RGS5: variants seen among roughly 807,000 people sequenced by gnomAD.
The protein encoded by RGS5 is regulator of G-protein signalling 5.
RGS5 carries 20 observed loss-of-function variants against 18.9 expected under a neutral mutation model. The observed-to-expected ratio is 1.06, with a 90% CI of 0.74 to 1.54. The LOEUF is 1.54. Ranked by LOEUF, RGS5 falls within the 40% of genes most tolerant of loss-of-function variation. RGS5 has a pLI of 0.00. For missense variants in RGS5, 201 were observed against 211.8 expected (o/e 0.95, Z 0.32); for synonymous variants, 57 against 76.2 (o/e 0.75, Z 1.31).
chr1:163,259,188 G>A (rs1247994361), intron 2 of RGS5, among the ~76,000 whole-genome samples: 5 of 151,796 alleles, frequency 3.3e-5, no homozygotes, highest in African/African-American at 1.2e-4. Flanking sequence ...GTCTCACTCT[G>A]TTGGCCAGGC....
chr1:163,302,498 C>T (rs1425145134), intron 2 of RGS5, among the ~76,000 whole-genome samples: 1 of 152,186 alleles, frequency 6.6e-6, no homozygotes, highest in Non-Finnish European at 1.5e-5. Context: ...TGATTCTTTA[C>T]ACTCTCCCTT....
intron 3 of RGS5, among the ~76,000 whole-genome samples, chr1:163,159,615 G>A (rs531089747): frequency 2.0e-5 from 3 of 152,174 alleles, no homozygotes; most frequent in East Asian, 3.9e-4. Flanking sequence ...GGGCTACTTC[G>A]AATGGATTAG....
intron 2 of RGS5, among the ~76,000 whole-genome samples, chr1:163,272,919 C>T (rs1245646989): frequency 1.3e-5 from 2 of 152,062 alleles, no homozygotes; most frequent in African/African-American, 4.8e-5. Context: ...GTGGCTCACA[C>T]TCGTGGTTTT....
intron 2 of RGS5, among the ~76,000 whole-genome samples, chr1:163,226,219 CAGAGG>C (rs1476309345): frequency 6.6e-6 from 1 of 150,912 alleles, no homozygotes; most frequent in East Asian, 1.9e-4. Flanking sequence ...CGCACCCAGC[CAGAGG>C]TCAAAATCGC....
chr1:163,252,623 G>A (rs1648140104), intron 2 of RGS5, among the ~76,000 whole-genome samples: 1 of 151,994 alleles, frequency 6.6e-6, no homozygotes, highest in African/African-American at 2.4e-5. Flanking sequence ...TTCTACTAAG[G>A]ATCAGAAACT....
intron 1 of RGS5, among the ~76,000 whole-genome samples, chr1:163,318,673 C>T (rs912271418): frequency 2.0e-4 from 31 of 151,396 alleles, no homozygotes; most frequent in African/African-American, 7.3e-4. Flanking sequence ...AATGGGTAGG[C>T]AGAGAAAAAA....
At position 163,143,224 on chromosome 1, in the gene RGS5, G is replaced by A. The variant is rs1170240798; in HGVS notation, c.*4118C>T. 3 of 152,172 alleles carry A rather than the reference G, an allele frequency of 2.0e-5. No individual in the cohort carries two copies. Among genetic ancestry groups the A allele is most frequent in the Non-Finnish European group, 4.4e-5 (3 of 68,024 alleles). 9.4% of individuals were successfully genotyped at this position (152,172 alleles called of 1,614,324 possible). ...AGAGCCTTGTGCGAAGCAAGTGTTC[G>A]ATACGTGCTTGTCTAATAGAATGAA... On this transcript the variant is annotated 3_prime_UTR_variant, in exon 5 of 5. Transcript: ENST00000313961.
At chr1:163,166,174 G>A (rs573754114) in intron 2 of RGS5, among the ~76,000 whole-genome samples, 1 of 152,252 alleles carries the variant, frequency 6.6e-6, no homozygotes, top group Non-Finnish European at 1.5e-5. Context: ...GTTTGCTCCT[G>A]GGGAAGAGGG....
chr1:163,226,411 A>G (rs1373165428), intron 2 of RGS5, among the ~76,000 whole-genome samples: 1 of 152,146 alleles, frequency 6.6e-6, no homozygotes, highest in South Asian at 2.1e-4. Flanking sequence ...TTGGAGTTAA[A>G]CTTAAAAGTT....
chr1:163,165,008 T>C (rs1657978651), intron 2 of RGS5, among the ~76,000 whole-genome samples: 1 of 152,230 alleles, frequency 6.6e-6, no homozygotes, highest in African/African-American at 2.4e-5. Context: ...AGTCTGCTCA[T>C]GACCAGGCTC....
At chr1:163,314,847 T>C (rs762606023) in intron 1 of RGS5, among the ~76,000 whole-genome samples, 3 of 152,124 alleles carry the variant, frequency 2.0e-5, no homozygotes, top group South Asian at 2.1e-4. Flanking sequence ...GAAGATGCCA[T>C]GTATGAACCA....
In RGS5 at chr1:163,267,791, T is replaced by C. The variant is rs112858186; in HGVS notation, c.-281+38442A>G. ...AAATGACATTTTCTGAACTTTTTTT[T>C]TCTGTGTTGTGGATGGTAGTCTGAA... On this transcript the variant is annotated intron_variant, in intron 2 of 5. Transcript: ENST00000618415. Among the ~76,000 whole-genome samples, 197 of 152,276 alleles carry C rather than the reference T, an allele frequency of 1.3e-3. 1 individual carries two copies. The highest frequency in any genetic ancestry group is 4.2e-3 in the African/African-American group (175 of 41,554).
chr1:163,177,351 A>G (rs1007288860), intron 1 of RGS5, among the ~76,000 whole-genome samples: 13 of 152,240 alleles, frequency 8.5e-5, no homozygotes, highest in African/African-American at 3.1e-4. Context: ...CAAACCCTTC[A>G]TACAAGGTGT....
At chr1:163,195,888 C>T (rs1659544850) in intron 1 of RGS5, among the ~76,000 whole-genome samples, 1 of 152,038 alleles carries the variant, frequency 6.6e-6, no homozygotes, top group Non-Finnish European at 1.5e-5. Flanking sequence ...TTTAGCACTT[C>T]TGAGAAAATG....
At position 163,161,987 on chromosome 1, in the gene RGS5, A is replaced by G. The variant is rs371621106; in HGVS notation, c.156-11T>C. On this transcript the variant is annotated splice_polypyrimidine_tract_variant and intron_variant, in intron 2 of 4. Coordinates refer to ENST00000313961, the MANE Select transcript of RGS5 (RefSeq NM_003617.4). ...TCGTCCAGCGAGGTTCTACATCAATAATAAGGAGAGAAAAGGGGTATGGCG... is the reference window on the plus strand; with the variant it reads ...TCGTCCAGCGAGGTTCTACATCAATGATAAGGAGAGAAAAGGGGTATGGCG... 1.4e-5 allele frequency: 23 copies of G among 1,609,200 alleles called. No homozygotes were observed. Among genetic ancestry groups the G allele is most frequent in the Non-Finnish European group, 1.9e-5 (22 of 1,175,848 alleles).
chr1:163,227,127 A>C (rs1216164264), intron 2 of RGS5, among the ~76,000 whole-genome samples: 1 of 152,216 alleles, frequency 6.6e-6, no homozygotes, highest in African/African-American at 2.4e-5. Context: ...TACACTCATC[A>C]GAGTGATCAT....
At chr1:163,191,772 A>T (rs1659367187) in intron 1 of RGS5, among the ~76,000 whole-genome samples, 2 of 151,784 alleles carry the variant, frequency 1.3e-5, no homozygotes, top group Admixed American at 1.3e-4. Context: ...TAATGAGGCA[A>T]CTCTTGGTGG....
At chr1:163,294,919 G>A (rs1000772622) in intron 2 of RGS5, among the ~76,000 whole-genome samples, 2 of 152,112 alleles carry the variant, frequency 1.3e-5, no homozygotes, top group Non-Finnish European at 2.9e-5. Context: ...TAGGGCAGGG[G>A]CAAAACACTG....
At chr1:163,254,047 T>A (rs1341623884) in intron 2 of RGS5, among the ~76,000 whole-genome samples, 3 of 150,490 alleles carry the variant, frequency 2.0e-5, no homozygotes, top group Admixed American at 6.6e-5. Flanking sequence ...ATCCAGTCTA[T>A]CATTGCTGGA....
Sources: gnomAD v4.1 joint callset for allele counts (sites outside exome capture counted in the v4.1 genomes callset) on GRCh38, gnomAD v4.1.1 for gene constraint, MANE v1.5 for transcripts, NCBI Gene and HGNC (gene_info 2026-07-23, HGNC 2026-07-21) for gene names.